Variants in GPR89A observed in about 807,000 individuals in gnomAD.
GPR89A encodes the protein golgi pH regulator A.
A neutral mutation model predicts 52.0 loss-of-function variants in GPR89A; 16 were observed. The observed-to-expected ratio is 0.31, with a 90% CI of 0.21 to 0.47. GPR89A has a LOEUF of 0.47. Among genes scored for constraint, GPR89A ranks in the 20% least tolerant of loss-of-function variants. The pLI is 1.00. For missense variants in GPR89A, 135 were observed against 449.4 expected, an observed-to-expected ratio of 0.30 and a Z score of 6.33; for synonymous variants, 55 against 150.9, an observed-to-expected ratio of 0.36 and a Z score of 4.66.
intron 7 of GPR89A, among the ~76,000 whole-genome samples, chr1:145,642,858 C>A (rs1425662467): frequency 5.3e-5 from 8 of 151,530 alleles, no homozygotes; most frequent in Non-Finnish European, 1.2e-4. Flanking sequence ...TCACTAGGAC[C>A]CTGTTGATAC....
chr1:145,665,414 T>A (rs1273737753), intron 11 of GPR89A, 148 bp from the exon 12 acceptor site: 1 of 895,308 alleles, frequency 1.1e-6, no homozygotes, highest in African/African-American at 1.7e-5. Flanking sequence ...TGCCACCTAC[T>A]TGCTTTCCTC....
intron 1 of GPR89A, among the ~76,000 whole-genome samples, chr1:145,612,772 C>G (rs1365563115): frequency 1.3e-5 from 2 of 152,118 alleles, no homozygotes; most frequent in Non-Finnish European, 2.9e-5. Context: ...TGACTGCTTT[C>G]TTTCCCCTTG....
At chr1:145,643,470 A>G (rs1451479972) in intron 7 of GPR89A, among the ~76,000 whole-genome samples, 1 of 152,032 alleles carries the variant, frequency 6.6e-6, no homozygotes, top group Non-Finnish European at 1.5e-5. Context: ...CCAGCCAGGT[A>G]TGTTAGCTGT....
At chr1:145,625,177 A>G (rs1649407837) in intron 5 of GPR89A, among the ~76,000 whole-genome samples, 1 of 151,900 alleles carries the variant, frequency 6.6e-6, no homozygotes, top group African/African-American at 2.4e-5. Context: ...TTAAAATAAG[A>G]ATAACTTTCA....
intron 7 of GPR89A, among the ~76,000 whole-genome samples, chr1:145,634,282 G>C (rs1650072422): frequency 6.6e-6 from 1 of 152,016 alleles, no homozygotes; most frequent in Non-Finnish European, 1.5e-5. Context: ...GTTTCACCAT[G>C]TTGGACCAGG....
At chr1:145,632,634 C>A (rs1218089034) in intron 7 of GPR89A, among the ~76,000 whole-genome samples, 1 of 152,162 alleles carries the variant, frequency 6.6e-6, no homozygotes, top group Non-Finnish European at 1.5e-5. Context: ...TCTTTTTTAT[C>A]CATTTTTCTG....
intron 11 of GPR89A, among the ~76,000 whole-genome samples, chr1:145,664,959 C>T: frequency 6.7e-6 from 1 of 149,640 alleles, no homozygotes; most frequent in Non-Finnish European, 1.5e-5. Context: ...CATGTGGTTC[C>T]AGTGAAGTTC....
chr1:145,656,547 C>T (rs1367729403), intron 10 of GPR89A, among the ~76,000 whole-genome samples: 4 of 152,152 alleles, frequency 2.6e-5, no homozygotes, highest in Non-Finnish European at 5.9e-5. Context: ...AACATTCACT[C>T]GCTGTTTTCA....
chr1:145,646,122 T>C (rs1553692488), intron 8 of GPR89A, 62 bp from the exon 9 acceptor site: 22 of 1,613,460 alleles, frequency 1.4e-5, no homozygotes, highest in Middle Eastern at 1.6e-4. Flanking sequence ...AAGTATATGC[T>C]TTCTCATTGC....
chr1:145,659,147 G>A (rs587630361), intron 10 of GPR89A, among the ~76,000 whole-genome samples: 8 of 151,968 alleles, frequency 5.3e-5, no homozygotes, highest in East Asian at 1.9e-4. Flanking sequence ...TAGAATTGCC[G>A]TGTCATATGC....
chr1:145,632,400 A>C (rs1160845039), intron 7 of GPR89A, among the ~76,000 whole-genome samples: 1 of 151,832 alleles, frequency 6.6e-6, no homozygotes, highest in African/African-American at 2.4e-5. Flanking sequence ...TCATCTCTCC[A>C]TTCCTCCCAC....
chr1:145,657,785 A>G (rs1651910257), intron 10 of GPR89A, among the ~76,000 whole-genome samples: 1 of 149,978 alleles, frequency 6.7e-6, no homozygotes, highest in African/African-American at 2.5e-5. Context: ...GATATTGCTC[A>G]TAATATTCTT....
intron 3 of GPR89A, among the ~76,000 whole-genome samples, chr1:145,619,108 C>A (rs1443330722): frequency 1.3e-5 from 2 of 152,084 alleles, no homozygotes; most frequent in African/African-American, 4.8e-5. Context: ...CTGGAAAAAC[C>A]TTTTAGGAGT....
At chr1:145,650,404 A>C (rs1651369241) in intron 10 of GPR89A, among the ~76,000 whole-genome samples, 1 of 151,656 alleles carries the variant, frequency 6.6e-6, no homozygotes. Flanking sequence ...ATTTGGGTTG[A>C]TTCTATGTCT....
chr1:145,654,244 T>G (rs2101823005), intron 10 of GPR89A, among the ~76,000 whole-genome samples: 1 of 152,280 alleles, frequency 6.6e-6, no homozygotes, highest in East Asian at 1.9e-4. Flanking sequence ...AAATTCTGGG[T>G]TGGAAATTCT....
chr1:145,637,741 G>A (rs1194419650), intron 7 of GPR89A, among the ~76,000 whole-genome samples: 1 of 152,184 alleles, frequency 6.6e-6, no homozygotes, highest in African/African-American at 2.4e-5. Flanking sequence ...AGTGAAAAGA[G>A]AGAATCCCAA....
At chr1:145,659,448 G>A (rs1268593221) in intron 10 of GPR89A, among the ~76,000 whole-genome samples, 1 of 151,996 alleles carries the variant, frequency 6.6e-6, no homozygotes, top group Non-Finnish European at 1.5e-5. Flanking sequence ...GCCTCCCAAA[G>A]TGCTAGGATT....
chr1:145,656,110 C>A (rs1302484077), intron 10 of GPR89A, among the ~76,000 whole-genome samples: 1 of 152,122 alleles, frequency 6.6e-6, no homozygotes, highest in Non-Finnish European at 1.5e-5. Context: ...TCCTCCTGGT[C>A]CAAACCACCT....
chr1:145,639,212 G>T (rs1365020652), intron 7 of GPR89A, among the ~76,000 whole-genome samples: 1 of 151,588 alleles, frequency 6.6e-6, no homozygotes, highest in African/African-American at 2.4e-5. Flanking sequence ...CCCCAAATTG[G>T]TATACAAATT....
Sources: allele counts gnomAD v4.1 joint callset (sites outside exome capture counted in the v4.1 genomes callset), GRCh38; gene constraint gnomAD v4.1.1; transcripts MANE v1.5; gene names NCBI Gene and HGNC (gene_info 2026-07-23, HGNC 2026-07-21).